The following MEI4 variants were observed in gnomAD, a reference collection of about 807,000 sequenced individuals.
MEI4 encodes the protein meiosis-specific protein MEI4.
In MEI4, 27 loss-of-function variants were observed where a neutral mutation model predicts 31.4. The ratio of observed to expected loss-of-function variants is 0.86; its 90% CI spans 0.63 to 1.19. The LOEUF is 1.19. Among genes scored for constraint, MEI4 ranks in the 50% most tolerant of loss-of-function variants. MEI4 has a pLI of 0.00. For missense variants in MEI4, 329 were observed against 398.9 expected, an observed-to-expected ratio of 0.82 and a Z score of 1.49; for synonymous variants, 122 against 145.4, an observed-to-expected ratio of 0.84 and a Z score of 1.16.
intron 4 of MEI4, among the ~76,000 whole-genome samples, chr6:77,856,861 C>A (rs1335678742): frequency 2.0e-5 from 3 of 150,216 alleles, no homozygotes; most frequent in Non-Finnish European, 4.5e-5. Context: ...CACCTCTTTA[C>A]ATTTTGTGCC....
At chr6:77,709,348 T>G (rs1766405369) in intron 2 of MEI4, among the ~76,000 whole-genome samples, 1 of 152,198 alleles carries the variant, frequency 6.6e-6, no homozygotes, top group Admixed American at 6.5e-5. Flanking sequence ...TGGTGCTGGA[T>G]TCCATGAGAT....
At chr6:77,702,575 T>A (rs1049183195) in intron 2 of MEI4, among the ~76,000 whole-genome samples, 1 of 152,230 alleles carries the variant, frequency 6.6e-6, no homozygotes, top group Non-Finnish European at 1.5e-5. Flanking sequence ...CCTGATGCCA[T>A]TTCCTTGGTC....
chr6:77,773,935 G>A lies in MEI4; in HGVS notation c.768+12270G>A, dbSNP rs192727931. ...AAGTCCTCAATGTCATTGATCATCAGGAAAATGCAAATTAAAACGATAATG... is the reference window on the plus strand; with the variant it reads ...AAGTCCTCAATGTCATTGATCATCAAGAAAATGCAAATTAAAACGATAATG... On this transcript the variant is annotated intron_variant, in intron 3 of 4. Transcript: ENST00000684080. Among the ~76,000 whole-genome samples the A allele has an allele frequency of 4.6e-3, 701 of 152,100 alleles. 6 individuals carry two copies. The highest frequency in any genetic ancestry group is 0.021 in the South Asian group (103 of 4,818).
intron 2 of MEI4, among the ~76,000 whole-genome samples, chr6:77,713,946 C>G (rs929599679): frequency 3.3e-5 from 5 of 152,074 alleles, no homozygotes; most frequent in South Asian, 2.1e-4. Flanking sequence ...TTAAGTGTTC[C>G]CATCATTTAG....
chr6:77,920,652 A>C (rs748302862), intron 4 of MEI4, among the ~76,000 whole-genome samples: 29 of 151,922 alleles, frequency 1.9e-4, no homozygotes, highest in African/African-American at 6.5e-4. Context: ...ATCAATATCC[A>C]TGTTAGCTAT....
At chr6:77,775,419 G>A (rs1768415523) in intron 3 of MEI4, among the ~76,000 whole-genome samples, 1 of 152,034 alleles carries the variant, frequency 6.6e-6, no homozygotes, top group Admixed American at 6.6e-5. Context: ...CCACTTATGA[G>A]TGAGAACATA....
chr6:77,860,292 G>A (rs1389377048), intron 4 of MEI4, among the ~76,000 whole-genome samples: 1 of 152,130 alleles, frequency 6.6e-6, no homozygotes, highest in Non-Finnish European at 1.5e-5. Context: ...TCAGAAGAGG[G>A]GAGTTGATAG....
At chr6:77,840,685 C>T (rs1432333381) in intron 4 of MEI4, among the ~76,000 whole-genome samples, 1 of 151,930 alleles carries the variant, frequency 6.6e-6, no homozygotes, top group Non-Finnish European at 1.5e-5. Flanking sequence ...GGGTATATTG[C>T]ATATTGATGG....
At chr6:77,730,706 C>A (rs1005572141) in intron 2 of MEI4, among the ~76,000 whole-genome samples, 6 of 151,746 alleles carry the variant, frequency 4.0e-5, no homozygotes, top group African/African-American at 9.7e-5. Flanking sequence ...ATACATGTGC[C>A]ATGCTGGTGC....
rs879748524 is a variant in MEI4, at chr6:77,707,823, A to G, written c.232+16920A>G. On this transcript the variant is annotated intron_variant, in intron 2 of 4. Transcript: ENST00000684080. The stretch of plus-strand genomic sequence containing the variant: ...GATACAGCTCAGGCTGCTGCTCTAG[A>G]GGGCGCAAGCCATAAGCCTTGGCAG... 1.8e-3 allele frequency among the ~76,000 whole-genome samples: 279 copies of G among 152,332 alleles called. 1 individual carries two copies. Among genetic ancestry groups the G allele is most frequent in the Admixed American group, 6.7e-3 (102 of 15,310 alleles).
chr6:77,904,703 G>A (rs1345305093), intron 4 of MEI4, among the ~76,000 whole-genome samples: 1 of 152,024 alleles, frequency 6.6e-6, no homozygotes, highest in Non-Finnish European at 1.5e-5. Flanking sequence ...TCTTTATCCA[G>A]TCCACGGTTG....
At chr6:77,699,746 G>C (rs910054619) in intron 2 of MEI4, among the ~76,000 whole-genome samples, 22 of 152,140 alleles carry the variant, frequency 1.4e-4, no homozygotes, top group Non-Finnish European at 2.5e-4. Flanking sequence ...GTGACGTACA[G>C]ATGGGTTTTT....
chr6:77,901,139 C>T (rs898242762), intron 4 of MEI4, among the ~76,000 whole-genome samples: 4 of 151,678 alleles, frequency 2.6e-5, no homozygotes, highest in African/African-American at 9.7e-5. Context: ...AAGTTGATTC[C>T]CTATGTTGGT....
At chr6:77,703,744 T>C in intron 2 of MEI4, among the ~76,000 whole-genome samples, 1 of 151,766 alleles carries the variant, frequency 6.6e-6, no homozygotes, top group African/African-American at 2.4e-5. Context: ...TTCTAGACTT[T>C]AGATTAGGCT....
intron 4 of MEI4, among the ~76,000 whole-genome samples, chr6:77,913,250 T>G (rs187033519): frequency 2.0e-5 from 3 of 152,266 alleles, no homozygotes; most frequent in African/African-American, 4.8e-5. Flanking sequence ...GTAGTTTTAT[T>G]TATTTGTTAC....
At chr6:77,736,227 C>A (rs1767208427) in intron 2 of MEI4, among the ~76,000 whole-genome samples, 1 of 151,852 alleles carries the variant, frequency 6.6e-6, no homozygotes, top group African/African-American at 2.4e-5. Flanking sequence ...GGCGCCCCTC[C>A]CCCAACCTTG....
At chr6:77,881,320 T>C (rs1483255147) in intron 4 of MEI4, among the ~76,000 whole-genome samples, 1 of 152,176 alleles carries the variant, frequency 6.6e-6, no homozygotes, top group Non-Finnish European at 1.5e-5. Context: ...TACAGAACCC[T>C]TTTTTCAGGA....
chr6:77,732,060 G>A (rs916770890), intron 2 of MEI4, among the ~76,000 whole-genome samples: 17 of 150,372 alleles, frequency 1.1e-4, no homozygotes, highest in African/African-American at 4.0e-4. Flanking sequence ...GTCAGGTAGT[G>A]TGATGCCTCC....
At chr6:77,917,894 G>A (rs1467525025) in intron 4 of MEI4, among the ~76,000 whole-genome samples, 38 of 147,858 alleles carry the variant, frequency 2.6e-4, no homozygotes, top group African/African-American at 9.3e-4. Flanking sequence ...GGTTTTTATG[G>A]TTTTAGGTCT....
Sources: gnomAD v4.1 joint callset for allele counts (sites outside exome capture counted in the v4.1 genomes callset) on GRCh38, gnomAD v4.1.1 for gene constraint, MANE v1.5 for transcripts, NCBI Gene and HGNC (gene_info 2026-07-23, HGNC 2026-07-21) for gene names.